The following TMPRSS13 variants were observed in gnomAD, a reference collection of about 807,000 sequenced individuals.
The protein encoded by TMPRSS13 is transmembrane serine protease 13, also known as transmembrane protease serine 13.
A neutral mutation model predicts 68.4 loss-of-function variants in TMPRSS13; 50 were observed. The ratio of observed to expected loss-of-function variants is 0.73; its 90% confidence interval spans 0.58 to 0.93. The LOEUF is 0.93. TMPRSS13 is among the 40% of genes least tolerant of loss of function. The pLI, the probability that TMPRSS13 is intolerant of heterozygous loss-of-function variation, is 0.00. For missense variants in TMPRSS13, 615 were observed against 729.2 expected, an observed-to-expected ratio of 0.84 and a Z score of 1.80; for synonymous variants, 267 against 285.8, an observed-to-expected ratio of 0.93 and a Z score of 0.66.
At chr11:117,921,976 A>G (rs1051247080) in intron 1 of TMPRSS13, among the ~76,000 whole-genome samples, 3 of 152,200 alleles carry the variant, frequency 2.0e-5, no homozygotes, top group Non-Finnish European at 4.4e-5. Flanking sequence ...CCAGACATCA[A>G]GAAGAGTTCT....
chr11:117,903,553 C>T (rs551955777), intron 12 of TMPRSS13, 102 bp downstream of exon 12: 146 of 1,584,636 alleles, frequency 9.2e-5, no homozygotes, highest in African/African-American at 3.3e-4. Context: ...AATATGGGGA[C>T]GCTGAGGGGA....
At chr11:117,918,956 C>G in intron 1 of TMPRSS13, 118 bp from the exon 2 acceptor site, 1 of 1,388,376 alleles carries the variant, frequency 7.2e-7, no homozygotes, top group Non-Finnish European at 9.8e-7. Context: ...TTGAGCAAAG[C>G]CCCCCGGACA....
At chr11:117,903,113 G>A (rs2057424053) in intron 12 of TMPRSS13, 1 of 1,259,732 alleles carries the variant, frequency 7.9e-7, no homozygotes, top group Non-Finnish European at 1.0e-6. Flanking sequence ...TATTTTAAGT[G>A]GGAAAGGGAA....
chr11:117,913,668 G>A (rs1001102513), intron 5 of TMPRSS13, 109 bp downstream of exon 5: 17 of 1,418,636 alleles, frequency 1.2e-5, no homozygotes, highest in African/African-American at 2.9e-5. Flanking sequence ...ATCAGCCCCG[G>A]TCCCCAAGGG....
chr11:117,923,036 G>A (rs2057663167), intron 1 of TMPRSS13, among the ~76,000 whole-genome samples: 2 of 152,252 alleles, frequency 1.3e-5, no homozygotes. Flanking sequence ...TAAGGGACAA[G>A]CCAGGGAGGG....
chr11:117,902,969 C>A (rs1197996629), intron 12 of TMPRSS13: 1 of 1,016,850 alleles, frequency 9.8e-7, no homozygotes, highest in Non-Finnish European at 1.2e-6. Context: ...ACTGAAGGGT[C>A]TGTGGTTCAG....
intron 5 of TMPRSS13, among the ~76,000 whole-genome samples, chr11:117,913,125 G>T (rs1394645514): frequency 2.4e-4 from 36 of 152,132 alleles, no homozygotes. Flanking sequence ...CACACACACT[G>T]ATAAACCCAA....
Position 117,905,681 on chromosome 11 carries a change from C to G in TMPRSS13, c.1338G>C (p.Glu446Asp), listed in dbSNP as rs201861888. Reference protein sequence around the residue: ...PMHGQTFSLNETCWITGFGKT... With the variant: ...PMHGQTFSLNDTCWITGFGKT... ...TGCCAAAGCCTGTGATCCAGCAGGTCTCATTGAGGCTAAAGGTCTGTCCAT... is the reference window on the plus strand; with the variant it reads ...TGCCAAAGCCTGTGATCCAGCAGGTGTCATTGAGGCTAAAGGTCTGTCCAT... The change falls in exon 10 of 13, where the codon GAG (glutamate) becomes GAC (aspartate). Residue 446 changes from glutamate to aspartate, a missense_variant. Coordinates refer to ENST00000524993, the MANE Select transcript of TMPRSS13 (RefSeq NM_001077263.3). The G allele has an allele frequency of 6.2e-7, 1 of 1,606,262 alleles. No homozygotes were observed. Among genetic ancestry groups the G allele is most frequent in the Non-Finnish European group, 8.5e-7 (1 of 1,175,522 alleles).
Position 117,908,654 on chromosome 11 carries a change from C to G in TMPRSS13, c.1240G>C (p.Asp414His). The change falls in exon 9 of 13, where the codon GAC becomes CAC. Residue 414 changes from aspartate to histidine, a missense_variant. Coordinates refer to ENST00000524993, the MANE Select transcript of TMPRSS13 (RefSeq NM_001077263.3). ...SNYTDEEDDYDIALMRLSKPL... is the reference protein window; with the variant it reads ...SNYTDEEDDYHIALMRLSKPL... ...TTGGACAGCCGCATGAGGGCGATGT[C>G]ATAGTCGTCCTCCTCATCGGTGTAA... 1 of 1,581,428 alleles carries G rather than the reference C, an allele frequency of 6.3e-7. No individual in the cohort carries two copies.
chr11:117,921,957 C>T (rs1301323829), intron 1 of TMPRSS13, among the ~76,000 whole-genome samples: 1 of 152,212 alleles, frequency 6.6e-6, no homozygotes, highest in Non-Finnish European at 1.5e-5. Context: ...ACCCTCAACC[C>T]AAACCCTCCC....
intron 4 of TMPRSS13, 57 bp from the exon 5 acceptor site, chr11:117,913,963 T>C (rs892816503): frequency 3.7e-5 from 58 of 1,578,544 alleles, no homozygotes; most frequent in Non-Finnish European, 4.9e-5. Context: ...CATCAAGCTC[T>C]TGGGGGATGA....
At chr11:117,911,694 C>T in intron 6 of TMPRSS13, 74 bp downstream of exon 6, 1 of 1,243,376 alleles carries the variant, frequency 8.0e-7, no homozygotes, top group Non-Finnish European at 1.2e-6. Context: ...GAAGGGGGCT[C>T]CCTGACTCAA....
intron 5 of TMPRSS13, 152 bp from the exon 6 acceptor site, chr11:117,912,012 C>T: frequency 1.6e-6 from 1 of 630,688 alleles, no homozygotes; most frequent in Middle Eastern, 4.2e-4. Flanking sequence ...CAGCTAAGCC[C>T]CAATAAAGTG....
At position 117,914,229 on chromosome 11, in the gene TMPRSS13, A is replaced by G. The variant is rs1408615938; in HGVS notation, c.679+163T>C. Among the ~76,000 whole-genome samples the G allele has an allele frequency of 6.6e-6, 1 of 152,100 alleles. No individual in the cohort carries two copies. The highest frequency in any genetic ancestry group is 1.9e-4 in the East Asian group (1 of 5,200). On this transcript the variant is annotated intron_variant, in intron 4 of 12. Coordinates refer to ENST00000524993, the MANE Select transcript of TMPRSS13 (RefSeq NM_001077263.3). The surrounding 1 kb of genome is among the most constrained non-coding windows in gnomAD (Gnocchi z 4.2). ...TACATGCACACATGCACACACACAT[A>G]CGTGCACACACACATACATGCATAC...
chr11:117,913,167 G>T (rs930539824), intron 5 of TMPRSS13, among the ~76,000 whole-genome samples: 1 of 152,184 alleles, frequency 6.6e-6, no homozygotes, highest in African/African-American at 2.4e-5. Flanking sequence ...AGTCCAAGAG[G>T]GAGGATGGAG....
At position 117,907,921 on chromosome 11, in the gene TMPRSS13, A is replaced by ATGAC. The variant is rs1333852815; in HGVS notation, c.1282+690_1282+691insGTCA. 3 of 985,692 alleles carry ATGAC rather than the reference A, an allele frequency of 3.0e-6. No individual in the cohort carries two copies. The African/African-American group carries it at 5.3e-5, about 17-fold the overall frequency. 61.1% of individuals were successfully genotyped at this position (985,692 alleles called of 1,614,324 possible). The stretch of plus-strand genomic sequence containing the variant: ...AGTGAATGAATGAATGAATGAATGA[A>ATGAC]GTCTTCTTTGACGTCCCCTGTCCAC... On this transcript the variant is annotated intron_variant, in intron 9 of 12. Coordinates refer to ENST00000524993, the MANE Select transcript of TMPRSS13 (RefSeq NM_001077263.3).
At position 117,904,118 on chromosome 11, in the gene TMPRSS13, T is replaced by C; in HGVS notation, c.1382-17A>G. ...ATGTCTTGTCTTCAGTGAAGTGGGGTGGAGGAGACAGAGGATGGGAAGCCA... is the reference window on the plus strand; with the variant it reads ...ATGTCTTGTCTTCAGTGAAGTGGGGCGGAGGAGACAGAGGATGGGAAGCCA... On this transcript the variant is annotated splice_polypyrimidine_tract_variant and intron_variant, in intron 10 of 12. Transcript: ENST00000524993. The C allele has an allele frequency of 6.2e-7, 1 of 1,611,998 alleles. No homozygotes were observed. The highest frequency in any genetic ancestry group is 8.5e-7 in the Non-Finnish European group (1 of 1,178,950).
Position 117,914,416 on chromosome 11 carries a change from G to A in TMPRSS13, c.655C>T (p.Leu219=). ...CCGCAGCCCAGCTCGTCACTCTTCAGCTTGCAGTCCACCACCCCGTCACAG... is the reference window on the plus strand; with the variant it reads ...CCGCAGCCCAGCTCGTCACTCTTCAACTTGCAGTCCACCACCCCGTCACAG... ...VRCDGVVDCK[L]KSDELGCVRF... is the part of the protein sequence containing the mutation. Residue 219 remains leucine, a synonymous_variant, in exon 4 of 13, where the codon CTG becomes TTG. Coordinates refer to ENST00000524993, the MANE Select transcript of TMPRSS13 (RefSeq NM_001077263.3). This position sits in a 1 kb window ranked among gnomAD's most constrained non-coding sequence, Gnocchi z 4.2. The A allele has an allele frequency of 6.2e-7, 1 of 1,613,914 alleles. No homozygotes were observed. Among genetic ancestry groups the A allele is most frequent in the South Asian group, 1.1e-5 (1 of 91,074 alleles).
intron 1 of TMPRSS13, 34 bp downstream of exon 1, chr11:117,929,253 G>C (rs1337479200): frequency 6.3e-7 from 1 of 1,590,674 alleles, no homozygotes; most frequent in Non-Finnish European, 8.6e-7. Context: ...TCAGCGCTGG[G>C]AGAATCTGGC....
Sources: allele counts gnomAD v4.1 joint callset (sites outside exome capture counted in the v4.1 genomes callset), GRCh38; gene constraint gnomAD v4.1.1; non-coding constraint Gnocchi (gnomAD v3.1); transcripts MANE v1.5; gene names NCBI Gene and HGNC (gene_info 2026-07-23, HGNC 2026-07-21).